EPAS1: variants seen among roughly 807,000 people sequenced by gnomAD.
EPAS1 encodes endothelial PAS domain-containing protein 1.
A neutral mutation model predicts 87.9 loss-of-function variants in EPAS1; 23 were observed. The observed-to-expected ratio is 0.26, with a 90% CI of 0.19 to 0.37. The LOEUF (loss-of-function observed/expected upper bound fraction) is 0.37. Ranked by LOEUF, EPAS1 falls within the 10% of genes least tolerant of loss-of-function variation. The probability of loss-of-function intolerance (pLI) is 1.00; values close to 1 mark genes in which losing one functional copy is unlikely to be tolerated. For synonymous variants in EPAS1, 508 were observed against 444.3 expected, an observed-to-expected ratio of 1.14 and a Z score of -1.80; for missense variants, 1,138 against 1,120.7, an observed-to-expected ratio of 1.02 and a Z score of -0.22.
Position 46,380,583 on chromosome 2 carries a change from C to A in EPAS1, c.1911C>A (p.Thr637=), listed in dbSNP as rs1684864757. 2.5e-6 allele frequency: 4 copies of A among 1,613,990 alleles called. No homozygotes were observed. In the Admixed American group the frequency reaches 6.7e-5, roughly 27 times the overall value. The part of the protein sequence containing the change: ...PLSSMGGRSN[T]QWPPDPPLHF... The stretch of plus-strand genomic sequence containing the variant: ...CTTCCATGGGGGGCAGATCCAATAC[C>A]CAGTGGCCCCCAGATCCACCATTAC... Residue 637 remains threonine, a synonymous_variant, in exon 12 of 16, where the codon ACC becomes ACA. Coordinates refer to ENST00000263734, the MANE Select transcript of EPAS1 (RefSeq NM_001430.5). The surrounding 1 kb of genome is among the most constrained non-coding windows in gnomAD (Gnocchi z 4.4).
chr2:46,354,887 T>C (rs1684240451), intron 2 of EPAS1, among the ~76,000 whole-genome samples: 1 of 152,204 alleles, frequency 6.6e-6, no homozygotes, highest in Non-Finnish European at 1.5e-5. Flanking sequence ...GTCCTAGGAC[T>C]GAAGCTTGCT....
Position 46,356,311 on chromosome 2 carries a change from C to T in EPAS1, c.369+9C>T, listed in dbSNP as rs1684271580. The T allele has an allele frequency of 1.2e-6, 2 of 1,614,112 alleles. No homozygotes were observed. Among genetic ancestry groups the T allele is most frequent in the South Asian group, 2.2e-5 (2 of 91,076 alleles). ...TCATGGGACTTACACAGGTGACACC[C>T]TCCTCTATCTCTTTCAAAAGAAGAA... On this transcript the variant is annotated intron_variant, in intron 3 of 15. Coordinates refer to ENST00000263734, the MANE Select transcript of EPAS1 (RefSeq NM_001430.5).
At chr2:46,378,579 ATTTC>A in intron 10 of EPAS1, 74 bp from the exon 11 acceptor site, 1 of 1,236,698 alleles carries the variant, frequency 8.1e-7, no homozygotes. Flanking sequence ...CCAGGAAGGT[ATTTC>A]TTCTTCCATG....
In EPAS1 at chr2:46,380,159, G is replaced by C. The variant is rs1255554149; in HGVS notation, c.1555-68G>C. The C allele has an allele frequency of 2.5e-6, 4 of 1,599,140 alleles. No individual in the cohort carries two copies. The highest frequency in any genetic ancestry group is 3.4e-6 in the Non-Finnish European group (4 of 1,179,562). On this transcript the variant is annotated intron_variant, in intron 11 of 15. Coordinates refer to ENST00000263734, the MANE Select transcript of EPAS1 (RefSeq NM_001430.5). This position sits in a 1 kb window ranked among gnomAD's most constrained non-coding sequence, Gnocchi z 4.4. Reference sequence around the variant, plus strand: ...TGAGATGAATGGCTCTGCAGGAGCTGAGTTGGAATAGTGTTTGTGAGGTCG... The same window carrying C: ...TGAGATGAATGGCTCTGCAGGAGCTCAGTTGGAATAGTGTTTGTGAGGTCG...
intron 1 of EPAS1, among the ~76,000 whole-genome samples, chr2:46,327,612 A>G (rs1361296397): frequency 6.6e-6 from 1 of 152,262 alleles, no homozygotes; most frequent in Admixed American, 6.5e-5. Context: ...GACAAAGTTT[A>G]TAAAACTCCA....
At chr2:46,314,496 G>T (rs1683274959) in intron 1 of EPAS1, among the ~76,000 whole-genome samples, 1 of 152,320 alleles carries the variant, frequency 6.6e-6, no homozygotes, top group African/African-American at 2.4e-5. Flanking sequence ...CGTCCTGTTT[G>T]TGTAGCCTGC....
chr2:46,333,211 G>T (rs1037160308), intron 1 of EPAS1, among the ~76,000 whole-genome samples: 2 of 152,108 alleles, frequency 1.3e-5, no homozygotes, highest in African/African-American at 4.8e-5. Context: ...CCACAGCTGG[G>T]GGACCGTGAC....
intron 1 of EPAS1, among the ~76,000 whole-genome samples, chr2:46,320,925 C>G (rs4953340): frequency 0.62 from 94,390 of 151,990 alleles, 29,729 homozygotes; most frequent in African/African-American, 0.69. Context: ...ATTTTTAAGC[C>G]TGCAATTCAA....
chr2:46,298,416 A>AGGGGGGC (rs1682930144), intron 1 of EPAS1, among the ~76,000 whole-genome samples: 1 of 152,120 alleles, frequency 6.6e-6, no homozygotes, highest in South Asian at 2.1e-4. Flanking sequence ...AAGTGGGCAA[A>AGGGGGGC]GGGGGGCGGG....
Position 46,378,639 on chromosome 2 carries a change from CTCCTTCCTGGCCCCT to C in EPAS1, c.1444-17_1444-3del. 1 of 1,608,532 alleles carries C rather than the reference CTCCTTCCTGGCCCCT, an allele frequency of 6.2e-7. No homozygotes were observed. The highest frequency in any genetic ancestry group is 2.2e-5 in the East Asian group (1 of 44,864). On this transcript the variant is annotated splice_region_variant and splice_polypyrimidine_tract_variant and intron_variant, in intron 10 of 15. Transcript: ENST00000263734. The stretch of plus-strand genomic sequence containing the variant: ...GTGCCATATCTTTGACTCTGTCCCC[CTCCTTCCTGGCCCCT>C]AGCCCAATAGCCCTGAAGACTATTA...
At position 46,375,501 on chromosome 2, in the gene EPAS1, A is replaced by T; in HGVS notation, c.887-189A>T. The stretch of plus-strand genomic sequence containing the variant: ...CTTCTCACCTCTTTTTCCTATATTT[A>T]AAATGAAGAGTTGGCTGAGGTGATC... On this transcript the variant is annotated intron_variant, in intron 7 of 15. Coordinates refer to ENST00000263734, the MANE Select transcript of EPAS1 (RefSeq NM_001430.5). This position sits in a 1 kb window ranked among gnomAD's most constrained non-coding sequence, Gnocchi z 4.1. The T allele has an allele frequency of 1.5e-6, 1 of 672,964 alleles. No homozygotes were observed. The highest frequency in any genetic ancestry group is 1.8e-5 in the African/African-American group (1 of 55,796). 41.7% of individuals were successfully genotyped at this position (672,964 alleles called of 1,614,324 possible). A position where few individuals can be genotyped will look rare whatever the true frequency, so the allele number is the denominator to read the frequency against.
chr2:46,345,451 A>G (rs1433816194), intron 1 of EPAS1, among the ~76,000 whole-genome samples: 2 of 152,144 alleles, frequency 1.3e-5, no homozygotes, highest in Non-Finnish European at 2.9e-5. Flanking sequence ...CAGGACAGTC[A>G]TTGGTGGTTA....
chr2:46,385,238 G>T lies in EPAS1; in HGVS notation c.*578G>T, dbSNP rs1410690332. The T allele has an allele frequency of 6.5e-6, 1 of 153,226 alleles. No individual in the cohort carries two copies. The highest frequency in any genetic ancestry group is 1.5e-5 in the Non-Finnish European group (1 of 68,860). The allele number at this position is 153,226 out of a possible 1,614,324, so 9.5% of individuals were successfully genotyped here. On this transcript the variant is annotated 3_prime_UTR_variant, in exon 16 of 16. Coordinates refer to ENST00000263734, the MANE Select transcript of EPAS1 (RefSeq NM_001430.5). ...TCTTTGCTCTAATTTTGGAAAAAAA[G>T]AAATGTGAAGGGTCAACTCCAACGT...
intron 12 of EPAS1, chr2:46,381,344 C>T (rs1419977574): frequency 2.3e-5 from 13 of 563,212 alleles, no homozygotes; most frequent in Non-Finnish European, 4.1e-5. Context: ...CTCCTAAGGA[C>T]TAACATTGCC....
At chr2:46,372,426 C>T (rs994462860) in intron 7 of EPAS1, among the ~76,000 whole-genome samples, 1 of 152,132 alleles carries the variant, frequency 6.6e-6, no homozygotes, top group East Asian at 1.9e-4. Context: ...CACTGGGATC[C>T]CCCATTTACA....
chr2:46,356,131 C>A lies in EPAS1; in HGVS notation c.218-20C>A, dbSNP rs779186208. On this transcript the variant is annotated intron_variant, in intron 2 of 15. Coordinates refer to ENST00000263734, the MANE Select transcript of EPAS1 (RefSeq NM_001430.5). ...TCACTCCACATTCATGCAAGCTGTC[C>A]CACCCCCCCCCCTTTCCAGTTTGCT... is the stretch of plus-strand genomic sequence containing the variant. 6 of 1,258,240 alleles carry A rather than the reference C, an allele frequency of 4.8e-6. No individual in the cohort carries two copies. Among genetic ancestry groups the A allele is most frequent in the South Asian group, 2.4e-5 (2 of 83,072 alleles). 77.9% of individuals were successfully genotyped at this position (1,258,240 alleles called of 1,614,324 possible).
chr2:46,374,342 ACTGT>A (rs1335536214), intron 7 of EPAS1, among the ~76,000 whole-genome samples: 1 of 152,120 alleles, frequency 6.6e-6, no homozygotes, highest in Non-Finnish European at 1.5e-5. Flanking sequence ...CGTGTAACAG[ACTGT>A]CTGTGACAGG....
chr2:46,308,050 C>G (rs1683141661), intron 1 of EPAS1, among the ~76,000 whole-genome samples: 1 of 152,140 alleles, frequency 6.6e-6, no homozygotes. Flanking sequence ...CCTCTATCGC[C>G]CATTCACCAT....
intron 7 of EPAS1, among the ~76,000 whole-genome samples, chr2:46,370,320 A>T (rs958193345): frequency 2.0e-5 from 3 of 152,230 alleles, no homozygotes; most frequent in Admixed American, 1.3e-4. Flanking sequence ...ACTTGGGTGC[A>T]TGCTATAGAT....
Sources: gnomAD v4.1 joint callset for allele counts (sites outside exome capture counted in the v4.1 genomes callset) on GRCh38, gnomAD v4.1.1 for gene constraint, Gnocchi (gnomAD v3.1) non-coding constraint, MANE v1.5 for transcripts, NCBI Gene and HGNC (gene_info 2026-07-23, HGNC 2026-07-21) for gene names.